Variants in ERICH6B observed in about 807,000 individuals in gnomAD.
ERICH6B encodes the protein glutamate-rich protein 6B.
Under a neutral mutation model 80.0 loss-of-function variants are expected in ERICH6B, and 69 were observed. The observed-to-expected ratio is 0.86, with a 90% CI of 0.71 to 1.05. ERICH6B has a LOEUF of 1.05. Ranked by LOEUF, ERICH6B falls within the 50% of genes least tolerant of loss-of-function variation. ERICH6B has a pLI of 0.00. For synonymous variants in ERICH6B, 283 were observed against 291.9 expected, an observed-to-expected ratio of 0.97 and a Z score of 0.31; for missense variants, 754 against 796.1, an observed-to-expected ratio of 0.95 and a Z score of 0.64.
intron 3 of ERICH6B, among the ~76,000 whole-genome samples, chr13:45,591,784 G>A (rs957657719): frequency 6.6e-6 from 1 of 152,182 alleles, no homozygotes; most frequent in African/African-American, 2.4e-5. Context: ...TGGCGGCAGA[G>A]AGACAGAATA....
chr13:45,592,916 G>A (rs1238458035), intron 3 of ERICH6B, among the ~76,000 whole-genome samples: 1 of 152,146 alleles, frequency 6.6e-6, no homozygotes, highest in African/African-American at 2.4e-5. Flanking sequence ...TGTGAGAAAG[G>A]TGTTTTTGCA....
Position 45,574,925 on chromosome 13 carries a change from C to G in ERICH6B, c.967G>C (p.Glu323Gln). ...VQQKKEENVL[E>Q]FASKENFWDG... ...CAAAAGTTCTCTTTAGAAGCAAACT[C>G]CAGGACTTTCGATTTTGGAAGGAGC... Residue 323 changes from glutamate (E) to glutamine (Q), a missense_variant, in exon 8 of 15, where the codon GAG becomes CAG. Glu to Gln is a conservative substitution (Grantham distance 29). Transcript: ENST00000298738. 1 of 1,550,544 alleles carries G rather than the reference C, an allele frequency of 6.4e-7. No homozygotes were observed. Among genetic ancestry groups the G allele is most frequent in the Non-Finnish European group, 8.7e-7 (1 of 1,146,464 alleles).
At chr13:45,597,724 C>T (rs1224828651) in intron 2 of ERICH6B, among the ~76,000 whole-genome samples, 1 of 152,190 alleles carries the variant, frequency 6.6e-6, no homozygotes, top group Non-Finnish European at 1.5e-5. Flanking sequence ...CATCCATGTC[C>T]TCTATATTTT....
At position 45,607,569 on chromosome 13, in the gene ERICH6B, CAG is replaced by C. The variant is rs1949875386; in HGVS notation, c.-66_-65del. 1.3e-5 allele frequency: 2 copies of C among 152,392 alleles called. No individual in the cohort carries two copies. Among genetic ancestry groups the C allele is most frequent in the African/African-American group, 4.8e-5 (2 of 41,434 alleles). The allele number at this position is 152,392 out of a possible 1,614,324, so 9.4% of individuals were successfully genotyped here. On this transcript the variant is annotated 5_prime_UTR_variant, in exon 2 of 15. It removes the in-frame stop codon of an upstream open reading frame in the 5' UTR. Transcript: ENST00000298738. ...GCTCCTGGCTGAGTACTTACAATGTCAGGGGGTAAACTGAGTCCAAGCCAAGA... is the reference window on the plus strand; with the variant it reads ...GCTCCTGGCTGAGTACTTACAATGTCGGGGTAAACTGAGTCCAAGCCAAGA...
At chr13:45,561,643 T>A in intron 10 of ERICH6B, 117 bp from the exon 11 acceptor site, 2 of 1,154,850 alleles carry the variant, frequency 1.7e-6, no homozygotes, top group Non-Finnish European at 2.4e-6. Flanking sequence ...AGATCTGCCA[T>A]TTTTCCCCAG....
rs1873912246 is a variant in ERICH6B at position 45,544,477 on chromosome 13, C to T, written c.1872+283G>A. 7.2e-5 allele frequency among the ~76,000 whole-genome samples: 11 copies of T among 152,332 alleles called. No homozygotes were observed. The South Asian group carries it at 2.1e-3, about 29-fold the overall frequency. On this transcript the variant is annotated intron_variant, in intron 14 of 14. Coordinates refer to ENST00000298738, the MANE Select transcript of ERICH6B (RefSeq NM_182542.3). ...GCTCAAGGGATCCACCTGTCTTGGC[C>T]TCCCAAAGCCCTGGGGTTACAGATG...
intron 14 of ERICH6B, among the ~76,000 whole-genome samples, chr13:45,541,964 C>T (rs528921850): frequency 1.2e-4 from 18 of 152,326 alleles, no homozygotes; most frequent in African/African-American, 4.1e-4. Flanking sequence ...CTGGCGCGGC[C>T]TGCCCTCCAA....
intron 8 of ERICH6B, among the ~76,000 whole-genome samples, chr13:45,572,194 C>T (rs983791417): frequency 6.6e-6 from 1 of 152,150 alleles, no homozygotes; most frequent in Non-Finnish European, 1.5e-5. Flanking sequence ...ACAAATGTAC[C>T]CTTCTTGTCC....
chr13:45,566,863 A>C (rs1428318095), intron 9 of ERICH6B, among the ~76,000 whole-genome samples: 1 of 152,188 alleles, frequency 6.6e-6, no homozygotes, highest in Admixed American at 6.5e-5. Context: ...AGAATGGTGG[A>C]TCCACTGACA....
intron 5 of ERICH6B, among the ~76,000 whole-genome samples, chr13:45,583,872 A>G (rs1305786958): frequency 1.3e-5 from 2 of 152,172 alleles, no homozygotes; most frequent in Non-Finnish European, 2.9e-5. Flanking sequence ...ACCCAGTCTC[A>G]GGTATGTCTT....
intron 2 of ERICH6B, among the ~76,000 whole-genome samples, chr13:45,602,352 A>G (rs1949832208): frequency 6.6e-6 from 1 of 152,196 alleles, no homozygotes; most frequent in Non-Finnish European, 1.5e-5. Context: ...ACTCTCAGCC[A>G]TGCTTTCAGG....
At chr13:45,547,983 T>C (rs1322170670) in intron 13 of ERICH6B, among the ~76,000 whole-genome samples, 1 of 152,184 alleles carries the variant, frequency 6.6e-6, no homozygotes, top group African/African-American at 2.4e-5. Context: ...GGGAAGTTCC[T>C]GCTCAGGGGG....
intron 10 of ERICH6B, among the ~76,000 whole-genome samples, chr13:45,562,401 T>C (rs1175248913): frequency 6.6e-6 from 1 of 152,264 alleles, no homozygotes; most frequent in African/African-American, 2.4e-5. Flanking sequence ...TCTTTTTATA[T>C]TCATTTTGTC....
In ERICH6B at chr13:45,545,001, G is replaced by A. The variant is rs1305970644; in HGVS notation, c.1647-16C>T. 2 of 1,546,334 alleles carry A rather than the reference G, an allele frequency of 1.3e-6. No individual in the cohort carries two copies. Among genetic ancestry groups the A allele is most frequent in the African/African-American group, 1.4e-5 (1 of 72,866 alleles). Reference sequence around the variant, plus strand: ...CAGGTTCAACCTGGACCAGGAGAAAGCATGTCAGGCAGCCAGGGCGCTCAG... The same window carrying A: ...CAGGTTCAACCTGGACCAGGAGAAAACATGTCAGGCAGCCAGGGCGCTCAG... On this transcript the variant is annotated splice_polypyrimidine_tract_variant and intron_variant, in intron 13 of 14. Transcript: ENST00000298738.
At chr13:45,550,101 G>A in intron 12 of ERICH6B, 56 bp from the exon 13 acceptor site, 1 of 1,544,866 alleles carries the variant, frequency 6.5e-7, no homozygotes, top group Non-Finnish European at 8.7e-7. Context: ...GGAAAAGGTA[G>A]GGCCCTGCAG....
intron 7 of ERICH6B, among the ~76,000 whole-genome samples, chr13:45,577,624 T>C (rs1212376813): frequency 6.6e-6 from 1 of 152,106 alleles, no homozygotes; most frequent in Non-Finnish European, 1.5e-5. Flanking sequence ...TATTAAAACA[T>C]TTTTTTAGGG....
intron 3 of ERICH6B, among the ~76,000 whole-genome samples, chr13:45,591,422 C>T (rs1335798701): frequency 6.6e-6 from 1 of 152,094 alleles, no homozygotes; most frequent in Admixed American, 6.5e-5. Context: ...TGGTGAAACG[C>T]TGTCTCTACT....
intron 11 of ERICH6B, among the ~76,000 whole-genome samples, chr13:45,551,178 ATT>A (rs1281977953): frequency 6.6e-6 from 1 of 151,978 alleles, no homozygotes; most frequent in Non-Finnish European, 1.5e-5. Context: ...TCTCTTTATT[ATT>A]TATACCTTCT....
chr13:45,605,542 C>G (rs886429496), intron 2 of ERICH6B, among the ~76,000 whole-genome samples: 1 of 152,214 alleles, frequency 6.6e-6, no homozygotes, highest in Non-Finnish European at 1.5e-5. Flanking sequence ...AATAACTCCA[C>G]CAAGGTCAGG....
Sources: allele counts gnomAD v4.1 joint callset (sites outside exome capture counted in the v4.1 genomes callset), GRCh38; gene constraint gnomAD v4.1.1; transcripts MANE v1.5; gene names NCBI Gene and HGNC (gene_info 2026-07-23, HGNC 2026-07-21).